Variants in SCN8A observed in about 807,000 individuals in gnomAD.
SCN8A encodes sodium voltage-gated channel alpha subunit 8.
Under a neutral mutation model 184.1 loss-of-function variants are expected in SCN8A, and 30 were observed. The ratio of observed to expected loss-of-function variants is 0.16; its 90% CI spans 0.12 to 0.22. SCN8A has a LOEUF of 0.22. Ranked by LOEUF, SCN8A falls within the 10% of genes least tolerant of loss-of-function variation. The pLI is 1.00. For synonymous variants in SCN8A, 852 were observed against 907.0 expected, an observed-to-expected ratio of 0.94 and a Z score of 1.09; for missense variants, 1,057 against 2,498.9, an observed-to-expected ratio of 0.42 and a Z score of 12.30.
At chr12:51,595,785 T>C (rs1246375169) in intron 1 of SCN8A, among the ~76,000 whole-genome samples, 1 of 152,210 alleles carries the variant, frequency 6.6e-6, no homozygotes, top group Non-Finnish European at 1.5e-5. Flanking sequence ...ACGTAGTATA[T>C]ATGTACTGTA....
chr12:51,598,649 A>G (rs1939398067), intron 1 of SCN8A, among the ~76,000 whole-genome samples: 2 of 152,214 alleles, frequency 1.3e-5, no homozygotes, highest in Admixed American at 6.5e-5. Flanking sequence ...ACAGAGGCAC[A>G]AAATTCAAAA....
At chr12:51,715,991 G>A (rs1424045397) in intron 11 of SCN8A, among the ~76,000 whole-genome samples, 2 of 152,322 alleles carry the variant, frequency 1.3e-5, no homozygotes, top group Admixed American at 6.5e-5. Flanking sequence ...GGAGTTTGTA[G>A]TTGGTTAAAA....
intron 24 of SCN8A, among the ~76,000 whole-genome samples, chr12:51,789,700 T>C (rs1938189377): frequency 6.6e-6 from 1 of 152,162 alleles, no homozygotes; most frequent in Non-Finnish European, 1.5e-5. Context: ...GAGAGTGCAG[T>C]CGAGCAACAG....
chr12:51,669,976 C>T lies in SCN8A; in HGVS notation c.276+6883C>T, dbSNP rs976897744. 4.6e-5 allele frequency among the ~76,000 whole-genome samples: 7 copies of T among 152,058 alleles called. No individual in the cohort carries two copies. The East Asian group carries it at 1.2e-3, about 25-fold the overall frequency. ...TTTTGCACAATAAGCCTAAATGCTG[C>T]TTTCTGTTTTAAATAAAAACTACAT... On this transcript the variant is annotated intron_variant, in intron 2 of 26. Transcript: ENST00000627620.
intron 2 of SCN8A, among the ~76,000 whole-genome samples, chr12:51,663,496 G>A (rs1479372204): frequency 6.6e-6 from 1 of 152,184 alleles, no homozygotes; most frequent in Non-Finnish European, 1.5e-5. Flanking sequence ...TGGAGATGGT[G>A]TATTTGCTCT....
intron 12 of SCN8A, among the ~76,000 whole-genome samples, chr12:51,736,409 TAG>T (rs1942327000): frequency 6.6e-6 from 1 of 152,176 alleles, no homozygotes; most frequent in Admixed American, 6.5e-5. Flanking sequence ...ATTTGCCAAA[TAG>T]AGTTAGGTTA....
rs543679240 is a variant in SCN8A at position 51,626,871 on chromosome 12, T to C, written c.-55+35512T>C. ...ATTAGTATTTATTTATTTATTTAGA[T>C]TTTTTTAGCTTGGATTATGGATTTG... On this transcript the variant is annotated intron_variant, in intron 1 of 26. Transcript: ENST00000627620. Among the ~76,000 whole-genome samples the C allele has an allele frequency of 4.6e-5, 7 of 151,466 alleles. No individual in the cohort carries two copies. The South Asian group carries it at 1.5e-3, about 31-fold the overall frequency.
intron 21 of SCN8A, among the ~76,000 whole-genome samples, chr12:51,786,104 G>A (rs575878937): frequency 1.9e-4 from 29 of 152,238 alleles, no homozygotes; most frequent in African/African-American, 5.5e-4. Flanking sequence ...TAACCACAAC[G>A]GGTAGTTCTC....
chr12:51,636,835 A>G (rs1940328656), intron 1 of SCN8A, among the ~76,000 whole-genome samples: 2 of 152,246 alleles, frequency 1.3e-5, no homozygotes, highest in African/African-American at 4.8e-5. Flanking sequence ...CTTATAACCA[A>G]GTAAGCAAAA....
intron 20 of SCN8A, among the ~76,000 whole-genome samples, chr12:51,775,787 A>T (rs1002217467): frequency 6.6e-6 from 1 of 152,186 alleles, no homozygotes; most frequent in Non-Finnish European, 1.5e-5. Context: ...CAGGTGGGAC[A>T]CCTGAACTCA....
intron 1 of SCN8A, among the ~76,000 whole-genome samples, chr12:51,652,726 C>G (rs987001398): frequency 6.6e-6 from 1 of 152,178 alleles, no homozygotes; most frequent in African/African-American, 2.4e-5. Flanking sequence ...TGGGCTTTAG[C>G]TAAGATGTTA....
chr12:51,700,182 CA>C (rs72138274), intron 7 of SCN8A, among the ~76,000 whole-genome samples: 8,613 of 147,260 alleles, frequency 0.058, 868 homozygotes, highest in African/African-American at 0.2. Context: ...AAAAAAAAAA[CA>C]AAAAAAAAAA....
chr12:51,758,326 T>C (rs1400022937), intron 14 of SCN8A, among the ~76,000 whole-genome samples: 1 of 152,186 alleles, frequency 6.6e-6, no homozygotes, highest in African/African-American at 2.4e-5. Flanking sequence ...CTATCACACA[T>C]GAACATAAAT....
intron 3 of SCN8A, among the ~76,000 whole-genome samples, chr12:51,685,505 C>T (rs1206951322): frequency 2.0e-5 from 3 of 152,028 alleles, no homozygotes; most frequent in Non-Finnish European, 4.4e-5. Context: ...AACAGAAAGG[C>T]CTGAGAAAAA....
intron 1 of SCN8A, among the ~76,000 whole-genome samples, chr12:51,593,683 G>GT (rs577950454): frequency 2.6e-4 from 40 of 151,194 alleles, no homozygotes; most frequent in African/African-American, 7.3e-4. Context: ...ACATGATTGA[G>GT]TTTTTTTTTG....
At chr12:51,797,243 G>A (rs568599882) in intron 26 of SCN8A, among the ~76,000 whole-genome samples, 45 of 152,174 alleles carry the variant, frequency 3.0e-4, no homozygotes, top group South Asian at 8.3e-4. Flanking sequence ...AACCAGAAGC[G>A]CACTAATCCT....
In SCN8A at chr12:51,686,446, G is replaced by A. The variant is rs374989727; in HGVS notation, c.474G>A (p.Ser158=). Reference sequence around the variant, plus strand: ...CTTTTAGTAACCCTCCTGACTGGTCGAAGAATGTGGAGTAAGTAACTCATT... The same window carrying A: ...CTTTTAGTAACCCTCCTGACTGGTCAAAGAATGTGGAGTAAGTAACTCATT... The part of the protein sequence containing the change: ...FMTFSNPPDW[S]KNVEYTFTGI... The change falls in exon 4 of 27, where the codon TCG becomes TCA. Residue 158 remains serine, a synonymous_variant. Transcript: ENST00000627620. 17 of 1,598,754 alleles carry A rather than the reference G, an allele frequency of 1.1e-5. No individual in the cohort carries two copies. In the African/African-American group the frequency reaches 1.6e-4, roughly 15 times the overall value.
At chr12:51,709,969 A>G (rs1592396151) in intron 11 of SCN8A, among the ~76,000 whole-genome samples, 1 of 152,306 alleles carries the variant, frequency 6.6e-6, no homozygotes, top group Non-Finnish European at 1.5e-5. Flanking sequence ...AAAATCAAGG[A>G]GTTTGAGATC....
intron 12 of SCN8A, chr12:51,722,604 A>C (rs1343682753): frequency 3.3e-5 from 5 of 152,342 alleles, no homozygotes; most frequent in African/African-American, 1.2e-4. Context: ...GGAGAAGTTA[A>C]AGAGGCCAAT....
Sources: gnomAD v4.1 joint callset for allele counts (sites outside exome capture counted in the v4.1 genomes callset) on GRCh38, gnomAD v4.1.1 for gene constraint, MANE v1.5 for transcripts, NCBI Gene and HGNC (gene_info 2026-07-23, HGNC 2026-07-21) for gene names.